The following ST6GALNAC3 variants were observed in gnomAD, a reference collection of about 807,000 sequenced individuals.
The protein encoded by ST6GALNAC3 is alpha-N-acetylgalactosaminide alpha-2,6-sialyltransferase 3.
Under a neutral mutation model 32.7 loss-of-function variants are expected in ST6GALNAC3, and 25 were observed. The observed-to-expected ratio is 0.76, with a 90% CI of 0.56 to 1.07. The LOEUF (loss-of-function observed/expected upper bound fraction) is 1.07. Ranked by LOEUF, ST6GALNAC3 falls within the 50% of genes least tolerant of loss-of-function variation. ST6GALNAC3 has a pLI of 0.00. For synonymous variants in ST6GALNAC3, 129 were observed against 133.1 expected (o/e 0.97, Z 0.21); for missense variants, 355 against 382.4 (o/e 0.93, Z 0.60).
At chr1:76,476,207 A>G (rs1369736460) in intron 3 of ST6GALNAC3, among the ~76,000 whole-genome samples, 3 of 152,166 alleles carry the variant, frequency 2.0e-5, no homozygotes, top group African/African-American at 4.8e-5. Flanking sequence ...AAAATGAACA[A>G]TGTTCTAATG....
chr1:76,265,716 C>G (rs1028452700), intron 1 of ST6GALNAC3, among the ~76,000 whole-genome samples: 1 of 152,160 alleles, frequency 6.6e-6, no homozygotes, highest in Non-Finnish European at 1.5e-5. Flanking sequence ...GAAAGTAATA[C>G]TTGCCTCATA....
intron 1 of ST6GALNAC3, among the ~76,000 whole-genome samples, chr1:76,096,391 T>C (rs562138050): frequency 6.6e-6 from 1 of 152,248 alleles, no homozygotes; most frequent in South Asian, 2.1e-4. Context: ...TTTTACTGCT[T>C]TGAAGGATTG....
intron 1 of ST6GALNAC3, among the ~76,000 whole-genome samples, chr1:76,270,701 G>A (rs1319203018): frequency 6.6e-6 from 1 of 152,048 alleles, no homozygotes; most frequent in Non-Finnish European, 1.5e-5. Context: ...ACAGGGCCGG[G>A]AGAGGGAGGG....
At position 76,472,525 on chromosome 1, in the gene ST6GALNAC3, C is replaced by T. The variant is rs111566342; in HGVS notation, c.623+60108C>T. Reference sequence around the variant, plus strand: ...AGTCTGGTGAGTGAGATGTGAGCTCCGGAAAGGGACCACCCAAGCTAAAAC... The same window carrying T: ...AGTCTGGTGAGTGAGATGTGAGCTCTGGAAAGGGACCACCCAAGCTAAAAC... On this transcript the variant is annotated intron_variant, in intron 3 of 4. Transcript: ENST00000328299. 4.2e-3 allele frequency among the ~76,000 whole-genome samples: 644 copies of T among 152,104 alleles called. 8 individuals are homozygous for T. The highest frequency in any genetic ancestry group is 0.015 in the African/African-American group (615 of 41,484).
chr1:76,617,742 G>A (rs562900657), intron 3 of ST6GALNAC3, among the ~76,000 whole-genome samples: 2 of 152,202 alleles, frequency 1.3e-5, no homozygotes, highest in South Asian at 2.1e-4. Context: ...ATCCAACTTC[G>A]ATCTTTGATT....
In ST6GALNAC3 at chr1:76,523,886, G is replaced by A. The variant is rs192761155; in HGVS notation, c.624-103566G>A. On this transcript the variant is annotated intron_variant, in intron 3 of 4. Coordinates refer to ENST00000328299, the MANE Select transcript of ST6GALNAC3 (RefSeq NM_152996.4). ...GTCTAATGGTTTCTGTGTCCCCAACGGTGCCCCCTTGCCATTTGAAAGCCT... is the reference window on the plus strand; with the variant it reads ...GTCTAATGGTTTCTGTGTCCCCAACAGTGCCCCCTTGCCATTTGAAAGCCT... Among the ~76,000 whole-genome samples the A allele has an allele frequency of 5.4e-3, 817 of 151,986 alleles. 5 individuals are homozygous for A. The highest frequency in any genetic ancestry group is 7.7e-3 in the Non-Finnish European group (523 of 67,974).
intron 1 of ST6GALNAC3, among the ~76,000 whole-genome samples, chr1:76,088,906 T>G (rs289695): frequency 0.94 from 143,842 of 152,292 alleles, 68,427 homozygotes; most frequent in East Asian, 1. Context: ...AAAAGTTGTG[T>G]ATGGCTGGCA....
At chr1:76,191,940 C>G (rs1360102146) in intron 1 of ST6GALNAC3, among the ~76,000 whole-genome samples, 2 of 152,046 alleles carry the variant, frequency 1.3e-5, no homozygotes, top group East Asian at 3.9e-4. Flanking sequence ...AGGGGCAGAC[C>G]TGGTCATGGG....
intron 1 of ST6GALNAC3, among the ~76,000 whole-genome samples, chr1:76,285,329 T>C (rs1659712893): frequency 6.6e-6 from 1 of 151,998 alleles, no homozygotes; most frequent in Non-Finnish European, 1.5e-5. Context: ...AAGATGACCT[T>C]ACCTATAGTC....
intron 1 of ST6GALNAC3, among the ~76,000 whole-genome samples, chr1:76,146,889 T>C (rs908586725): frequency 2.6e-5 from 4 of 152,160 alleles, no homozygotes; most frequent in Admixed American, 6.5e-5. Flanking sequence ...GGAAGACCAG[T>C]GTTTGATGAA....
intron 2 of ST6GALNAC3, among the ~76,000 whole-genome samples, chr1:76,317,917 C>G (rs893778325): frequency 1.3e-5 from 2 of 152,022 alleles, no homozygotes; most frequent in South Asian, 2.1e-4. Context: ...CTTTAGTTAT[C>G]TTTTAAAAAT....
At chr1:76,127,308 A>C (rs1649316201) in intron 1 of ST6GALNAC3, among the ~76,000 whole-genome samples, 1 of 152,172 alleles carries the variant, frequency 6.6e-6, no homozygotes, top group Non-Finnish European at 1.5e-5. Flanking sequence ...GTAGCATTTT[A>C]ATTGGCAGCA....
intron 3 of ST6GALNAC3, chr1:76,577,402 C>T (rs1227654769): frequency 8.3e-6 from 7 of 847,532 alleles, no homozygotes; most frequent in African/African-American, 1.8e-5. Context: ...CTTGTGAAAA[C>T]GAGCCCTGAT....
chr1:76,489,720 C>T (rs1459884704), intron 3 of ST6GALNAC3, among the ~76,000 whole-genome samples: 1 of 152,172 alleles, frequency 6.6e-6, no homozygotes, highest in Non-Finnish European at 1.5e-5. Flanking sequence ...GTTCTCCGCC[C>T]TCTCCATGCT....
At chr1:76,636,728 T>G (rs1175169851), downstream of ST6GALNAC3, 3 of 147,850 alleles carry the variant, frequency 2.0e-5, no homozygotes, top group Non-Finnish European at 4.6e-5. Context: ...ATCCTAGAAG[T>G]TTTTTTTTCA....
At position 76,074,813 on chromosome 1, in the gene ST6GALNAC3, G is replaced by T; in HGVS notation, c.-54G>T. On this transcript the variant is annotated 5_prime_UTR_variant, in exon 1 of 5. Transcript: ENST00000328299. ...CAGCCTCCAGCCTGCCCCCAGGACT[G>T]CCCCTGACCCAGGCGCGCCCGCTGC... The T allele has an allele frequency of 1.3e-6, 2 of 1,557,318 alleles. No individual in the cohort carries two copies. The highest frequency in any genetic ancestry group is 1.7e-6 in the Non-Finnish European group (2 of 1,151,186).
intron 1 of ST6GALNAC3, among the ~76,000 whole-genome samples, chr1:76,311,715 A>G (rs376980548): frequency 3.7e-4 from 56 of 152,218 alleles, no homozygotes; most frequent in African/African-American, 1.3e-3. Context: ...AGTCTTTGCT[A>G]TTGTGAATGG....
At chr1:76,495,943 G>A (rs1160767814) in intron 3 of ST6GALNAC3, among the ~76,000 whole-genome samples, 4 of 152,160 alleles carry the variant, frequency 2.6e-5, no homozygotes, top group African/African-American at 7.2e-5. Flanking sequence ...TGCTCATCAA[G>A]CTGGGCAATC....
chr1:76,208,728 T>TAA (rs34092895), intron 1 of ST6GALNAC3, among the ~76,000 whole-genome samples: 1 of 151,722 alleles, frequency 6.6e-6, no homozygotes, highest in Admixed American at 6.6e-5. Context: ...ATTATTGCTT[T>TAA]AAAAAAAATC....
Sources: gnomAD v4.1 joint callset for allele counts (sites outside exome capture counted in the v4.1 genomes callset) on GRCh38, gnomAD v4.1.1 for gene constraint, MANE v1.5 for transcripts, NCBI Gene and HGNC (gene_info 2026-07-23, HGNC 2026-07-21) for gene names.